Variants in SLC25A21 observed in about 807,000 individuals in gnomAD.
The protein encoded by SLC25A21 is mitochondrial 2-oxodicarboxylate carrier.
SLC25A21 carries 47 observed loss-of-function variants against 43.8 expected under a neutral mutation model. That is an observed-to-expected ratio of 1.07 (90% confidence interval 0.85 to 1.37). The LOEUF is 1.37. Ranked by LOEUF, SLC25A21 falls within the 40% of genes most tolerant of loss-of-function variation. SLC25A21 has a pLI of 0.00. For missense variants in SLC25A21, 352 were observed against 350.2 expected, an observed-to-expected ratio of 1.00 and a Z score of -0.04; for synonymous variants, 131 against 121.3, an observed-to-expected ratio of 1.08 and a Z score of -0.52.
intron 3 of SLC25A21, among the ~76,000 whole-genome samples, chr14:36,764,083 G>GAAAGAAAGAAA (rs1213150423): frequency 0.02 from 388 of 19,648 alleles, 16 homozygotes; most frequent in South Asian, 0.052. Flanking sequence ...AAAGAAAGAA[G>GAAAGAAAGAAA]GAAGGAAGGA....
At chr14:36,725,449 T>C (rs1884556961) in intron 6 of SLC25A21, 121 bp downstream of exon 6, 1 of 398,600 alleles carries the variant, frequency 2.5e-6, no homozygotes, top group African/African-American at 2.2e-5. Context: ...CACTCCAGCC[T>C]GGGCAACAAG....
intron 1 of SLC25A21, among the ~76,000 whole-genome samples, chr14:36,938,199 C>G (rs1892472353): frequency 6.6e-6 from 1 of 152,130 alleles, no homozygotes; most frequent in Non-Finnish European, 1.5e-5. Context: ...CTTACTTCAT[C>G]TTTCTTCGAG....
At chr14:36,727,582 GGAGGCT>G (rs1215794710) in intron 5 of SLC25A21, among the ~76,000 whole-genome samples, 1 of 152,182 alleles carries the variant, frequency 6.6e-6, no homozygotes, top group Non-Finnish European at 1.5e-5. Flanking sequence ...CAGCTTCTGG[GGAGGCT>G]GAGGCAGGAG....
At chr14:37,044,093 T>C (rs1372133949) in intron 1 of SLC25A21, among the ~76,000 whole-genome samples, 1 of 151,908 alleles carries the variant, frequency 6.6e-6, no homozygotes, top group Non-Finnish European at 1.5e-5. Flanking sequence ...CCTCTCAAGC[T>C]TCTTGAGAAA....
chr14:37,170,485 T>C (rs1166702592), intron 1 of SLC25A21, among the ~76,000 whole-genome samples: 1 of 152,188 alleles, frequency 6.6e-6, no homozygotes, highest in African/African-American at 2.4e-5. Flanking sequence ...TAGCTGAGTT[T>C]TCTTTCATCA....
intron 1 of SLC25A21, among the ~76,000 whole-genome samples, chr14:37,029,869 A>G (rs1276281371): frequency 6.9e-6 from 1 of 145,560 alleles, no homozygotes; most frequent in Non-Finnish European, 1.5e-5. Flanking sequence ...GGTTCCAGTG[A>G]TTCTCCTGCC....
intron 3 of SLC25A21, among the ~76,000 whole-genome samples, chr14:36,746,720 T>C (rs1354609286): frequency 6.6e-6 from 1 of 152,160 alleles, no homozygotes; most frequent in Non-Finnish European, 1.5e-5. Flanking sequence ...CTGTTTCTAG[T>C]TTCTGTCCCT....
intron 1 of SLC25A21, among the ~76,000 whole-genome samples, chr14:36,974,951 G>A (rs900052038): frequency 6.6e-6 from 1 of 152,154 alleles, no homozygotes; most frequent in Non-Finnish European, 1.5e-5. Flanking sequence ...CTTGACCTAT[G>A]AATGATGTGA....
chr14:36,798,351 T>C (rs976122645), intron 3 of SLC25A21, among the ~76,000 whole-genome samples: 2 of 152,326 alleles, frequency 1.3e-5, no homozygotes, highest in Middle Eastern at 3.4e-3. Flanking sequence ...TAATTGAGAA[T>C]GGTTATATAA....
rs188401056 is a variant in SLC25A21, at chr14:37,101,729, T to C, written c.70+70552A>G. Among the ~76,000 whole-genome samples the C allele has an allele frequency of 5.9e-4, 90 of 152,302 alleles. 1 individual carries two copies. The highest frequency in any genetic ancestry group is 1.1e-3 in the Admixed American group (17 of 15,296). On this transcript the variant is annotated intron_variant, in intron 1 of 9. Coordinates refer to ENST00000331299, the MANE Select transcript of SLC25A21 (RefSeq NM_030631.4). ...AGAATATAGAACCATGTATATGATA[T>C]GCATTTAACACATTTATACAAAAGC...
chr14:37,035,332 T>C (rs547850089), intron 1 of SLC25A21, among the ~76,000 whole-genome samples: 5 of 152,314 alleles, frequency 3.3e-5, no homozygotes, highest in African/African-American at 7.2e-5. Flanking sequence ...CTGGAACACA[T>C]TTTATTATTA....
intron 2 of SLC25A21, among the ~76,000 whole-genome samples, chr14:36,827,371 C>T (rs1424254655): frequency 1.3e-5 from 2 of 152,100 alleles, no homozygotes. Flanking sequence ...GTTCTGCTTC[C>T]CAGTACAAAT....
intron 1 of SLC25A21, among the ~76,000 whole-genome samples, chr14:37,067,196 A>G (rs1962078615): frequency 6.6e-6 from 1 of 152,168 alleles, no homozygotes. Context: ...AACAATCGCA[A>G]ATTTATGAAT....
At chr14:36,781,807 T>A (rs1364847329) in intron 3 of SLC25A21, among the ~76,000 whole-genome samples, 1 of 152,232 alleles carries the variant, frequency 6.6e-6, no homozygotes, top group Non-Finnish European at 1.5e-5. Context: ...ATTCTGAATT[T>A]GACTATATAT....
Position 37,122,091 on chromosome 14 carries a change from T to C in SLC25A21, c.70+50190A>G, listed in dbSNP as rs192670243. Among the ~76,000 whole-genome samples the C allele has an allele frequency of 1.8e-3, 277 of 152,334 alleles. 1 individual carries two copies. Among genetic ancestry groups the C allele is most frequent in the African/African-American group, 6.6e-3 (274 of 41,586 alleles). ...ATATGCTAACATACATTGCTAATCT[T>C]TAACAGGAGGATATAGTGTACCTTT... On this transcript the variant is annotated intron_variant, in intron 1 of 9. Transcript: ENST00000331299.
At chr14:36,906,739 C>G (rs1373734840) in intron 1 of SLC25A21, among the ~76,000 whole-genome samples, 1 of 152,072 alleles carries the variant, frequency 6.6e-6, no homozygotes, top group African/African-American at 2.4e-5. Context: ...CTCCTGACCT[C>G]ATGATCCACC....
At chr14:37,060,325 C>T (rs1432661247) in intron 1 of SLC25A21, among the ~76,000 whole-genome samples, 2 of 150,492 alleles carry the variant, frequency 1.3e-5, no homozygotes, top group South Asian at 4.2e-4. Flanking sequence ...TATAAGCCAT[C>T]CAGTCTATGG....
chr14:36,800,163 A>T lies in SLC25A21; in HGVS notation c.203+13755T>A, dbSNP rs1887820298. On this transcript the variant is annotated intron_variant, in intron 3 of 9. Coordinates refer to ENST00000331299, the MANE Select transcript of SLC25A21 (RefSeq NM_030631.4). The stretch of plus-strand genomic sequence containing the variant: ...CATAATTCTCATAGCTTTTTTAAAA[A>T]AGTCATTCTCTGTTAAACATAGAAT... 2.6e-5 allele frequency among the ~76,000 whole-genome samples: 4 copies of T among 152,138 alleles called. No individual in the cohort carries two copies. In the South Asian group the frequency reaches 8.3e-4, roughly 31 times the overall value.
intron 1 of SLC25A21, among the ~76,000 whole-genome samples, chr14:37,059,131 C>T (rs1202892302): frequency 1.3e-5 from 2 of 152,212 alleles, no homozygotes; most frequent in Admixed American, 6.5e-5. Context: ...GTATCTAACA[C>T]AAGTGCCTTC....
Sources: gnomAD v4.1 joint callset for allele counts (sites outside exome capture counted in the v4.1 genomes callset) on GRCh38, gnomAD v4.1.1 for gene constraint, MANE v1.5 for transcripts, NCBI Gene and HGNC (gene_info 2026-07-23, HGNC 2026-07-21) for gene names.